Variants in TNFSF4 observed in about 807,000 individuals in gnomAD.
TNFSF4 encodes the protein TNF superfamily member 4.
TNFSF4 carries 4 observed loss-of-function variants against 7.3 expected under a neutral mutation model. The observed-to-expected ratio is 0.55, with a 90% CI of 0.27 to 1.25. The LOEUF (loss-of-function observed/expected upper bound fraction) is 1.25. Among genes scored for constraint, TNFSF4 ranks in the 50% most tolerant of loss-of-function variants. TNFSF4 has a pLI of 0.12. For synonymous variants in TNFSF4, 76 were observed against 83.7 expected, an observed-to-expected ratio of 0.91 and a Z score of 0.50; for missense variants, 181 against 208.8, an observed-to-expected ratio of 0.87 and a Z score of 0.82.
chr1:173,376,936 G>A, the TNFSF4 span, among the ~76,000 whole-genome samples: 53 of 152,084 alleles, frequency 3.5e-4, no homozygotes, highest in African/African-American at 8.9e-4. Flanking sequence ...AAACAACTCC[G>A]GACGCACCAC....
At chr1:173,319,914 C>A in the TNFSF4 span, among the ~76,000 whole-genome samples, 1 of 152,034 alleles carries the variant, frequency 6.6e-6, no homozygotes, top group Non-Finnish European at 1.5e-5. Flanking sequence ...AGCATGAAAA[C>A]GCTAAAAATT....
the TNFSF4 span, among the ~76,000 whole-genome samples, chr1:173,222,258 A>T: frequency 6.6e-6 from 1 of 152,210 alleles, no homozygotes. Context: ...GGAGTACTAA[A>T]TGAAACCTAA....
At chr1:173,306,123 T>C in the TNFSF4 span, among the ~76,000 whole-genome samples, 1 of 151,530 alleles carries the variant, frequency 6.6e-6, no homozygotes, top group South Asian at 2.1e-4. Context: ...ATAATCATAA[T>C]TGGAAGGAGA....
chr1:173,382,138 G>C, the TNFSF4 span, among the ~76,000 whole-genome samples: 1 of 152,136 alleles, frequency 6.6e-6, no homozygotes, highest in Non-Finnish European at 1.5e-5. Flanking sequence ...TTTATGAGCT[G>C]TAACACTCAC....
At chr1:173,288,017 T>C in the TNFSF4 span, among the ~76,000 whole-genome samples, 1 of 152,226 alleles carries the variant, frequency 6.6e-6, no homozygotes, top group Non-Finnish European at 1.5e-5. Flanking sequence ...ACATTTAAGA[T>C]TTGTGTATTT....
At chr1:173,446,064 A>G in the TNFSF4 span, among the ~76,000 whole-genome samples, 1 of 152,348 alleles carries the variant, frequency 6.6e-6, no homozygotes, top group Admixed American at 6.5e-5. Context: ...AAAATCACTC[A>G]GCGTACAAAG....
the TNFSF4 span, among the ~76,000 whole-genome samples, chr1:173,256,528 G>C: frequency 6.6e-6 from 1 of 152,120 alleles, no homozygotes; most frequent in Non-Finnish European, 1.5e-5. Context: ...TTGGGGGCTA[G>C]GGCTTCAACA....
the TNFSF4 span, among the ~76,000 whole-genome samples, chr1:173,388,155 A>G: frequency 6.6e-5 from 10 of 152,374 alleles, no homozygotes; most frequent in Non-Finnish European, 1.3e-4. Flanking sequence ...AATGCTAAAT[A>G]TAATAAATAG....
chr1:173,253,306 T>A, the TNFSF4 span, among the ~76,000 whole-genome samples: 8 of 152,112 alleles, frequency 5.3e-5, no homozygotes, highest in Admixed American at 5.2e-4. Flanking sequence ...CAAACATAAG[T>A]GAACGAACTT....
At chr1:173,240,451 C>T in the TNFSF4 span, among the ~76,000 whole-genome samples, 1 of 152,168 alleles carries the variant, frequency 6.6e-6, no homozygotes, top group Non-Finnish European at 1.5e-5. Context: ...AATCTAAGTG[C>T]TATCCTGTTT....
At chr1:173,320,820 A>G in the TNFSF4 span, among the ~76,000 whole-genome samples, 1 of 152,238 alleles carries the variant, frequency 6.6e-6, no homozygotes, top group Non-Finnish European at 1.5e-5. Flanking sequence ...GCTCAAGGAA[A>G]TAAGAGAGGA....
chr1:173,420,225 TA>T, the TNFSF4 span, among the ~76,000 whole-genome samples: 2 of 151,442 alleles, frequency 1.3e-5, no homozygotes, highest in African/African-American at 4.9e-5. Flanking sequence ...AAAAAAAAAG[TA>T]AAAAACAGTC....
the TNFSF4 span, chr1:173,363,620 G>C: frequency 7.2e-6 from 3 of 418,816 alleles, no homozygotes; most frequent in Non-Finnish European, 4.7e-6. Flanking sequence ...TTAAGGAAAG[G>C]CTTATCGGAT....
the TNFSF4 span, among the ~76,000 whole-genome samples, chr1:173,328,799 G>GA: frequency 5.8e-4 from 87 of 150,502 alleles, no homozygotes; most frequent in Non-Finnish European, 9.6e-4. Flanking sequence ...AACAACTAAA[G>GA]AAAAAAAATA....
chr1:173,336,896 G>A, the TNFSF4 span, among the ~76,000 whole-genome samples: 1 of 151,898 alleles, frequency 6.6e-6, no homozygotes, highest in Non-Finnish European at 1.5e-5. Flanking sequence ...AAAAAAAAAG[G>A]CACAATGCTT....
At chr1:173,176,126 G>A in the TNFSF4 span, among the ~76,000 whole-genome samples, 12 of 152,232 alleles carry the variant, frequency 7.9e-5, no homozygotes, top group Admixed American at 2.0e-4. Context: ...TAGTAGTGGT[G>A]TAATTGCTTT....
At chr1:173,374,321 G>A in the TNFSF4 span, among the ~76,000 whole-genome samples, 1 of 152,060 alleles carries the variant, frequency 6.6e-6, no homozygotes, top group East Asian at 1.9e-4. Context: ...ATCTAGTGTT[G>A]GTCAAGTCCC....
At chr1:173,447,909 T>C in the TNFSF4 span, among the ~76,000 whole-genome samples, 1 of 151,946 alleles carries the variant, frequency 6.6e-6, no homozygotes, top group South Asian at 2.1e-4. Context: ...AAGACATAGA[T>C]GGGAATAGAA....
At chr1:173,323,949 T>C in the TNFSF4 span, among the ~76,000 whole-genome samples, 2 of 152,240 alleles carry the variant, frequency 1.3e-5, no homozygotes, top group Non-Finnish European at 1.5e-5. Context: ...CAGGATATTG[T>C]CCACAAGAAC....
Sources: gnomAD v4.1 joint callset for allele counts (sites outside exome capture counted in the v4.1 genomes callset) on GRCh38, gnomAD v4.1.1 for gene constraint, MANE v1.5 for transcripts, NCBI Gene and HGNC (gene_info 2026-07-23, HGNC 2026-07-21) for gene names.